The following NRXN2 variants were observed in gnomAD, a reference collection of about 807,000 sequenced individuals.
NRXN2 encodes neurexin-2-beta.
NRXN2 carries 29 observed loss-of-function variants against 128.8 expected under a neutral mutation model. The observed-to-expected ratio is 0.23, with a 90% CI of 0.17 to 0.31. The LOEUF is 0.31. Among genes scored for constraint, NRXN2 ranks in the 10% least tolerant of loss-of-function variants. NRXN2 has a pLI of 1.00. For missense variants in NRXN2, 1,881 were observed against 2,452.6 expected, an observed-to-expected ratio of 0.77 and a Z score of 4.92; for synonymous variants, 1,098 against 1,075.2, an observed-to-expected ratio of 1.02 and a Z score of -0.41.
chr11:64,632,054 C>T lies in NRXN2; in HGVS notation c.3586-1481G>A, dbSNP rs1235824504. Among the ~76,000 whole-genome samples, 1 of 152,216 alleles carries T rather than the reference C, an allele frequency of 6.6e-6. No individual in the cohort carries two copies. Among genetic ancestry groups the T allele is most frequent in the Non-Finnish European group, 1.5e-5 (1 of 68,026 alleles). On this transcript the variant is annotated intron_variant, in intron 18 of 22. Transcript: ENST00000265459. This position sits in a 1 kb window ranked among gnomAD's most constrained non-coding sequence, Gnocchi z 4.2. ...ATGTGGAACATTCAGCTGCCACCTC[C>T]TTCCTGCATCTAGCAGAGCCGAGAG...
intron 7 of NRXN2, among the ~76,000 whole-genome samples, chr11:64,669,763 G>A (rs541735177): frequency 5.2e-4 from 79 of 152,336 alleles, no homozygotes; most frequent in Middle Eastern, 6.8e-3. Context: ...ATGAGACCAC[G>A]AGCCCCTACT....
At chr11:64,638,687 C>A (rs2045200466) in intron 17 of NRXN2, among the ~76,000 whole-genome samples, 1 of 152,180 alleles carries the variant, frequency 6.6e-6, no homozygotes, top group Non-Finnish European at 1.5e-5. Flanking sequence ...TGGTGTAGAC[C>A]AATTGTTTTT....
chr11:64,696,544 C>CAA (rs2054568481), intron 3 of NRXN2, among the ~76,000 whole-genome samples: 1 of 150,250 alleles, frequency 6.7e-6, no homozygotes. Context: ...CACACACACA[C>CAA]ACACACACAC....
At chr11:64,715,991 G>C (rs1173542034) in intron 1 of NRXN2, among the ~76,000 whole-genome samples, 2 of 152,156 alleles carry the variant, frequency 1.3e-5, no homozygotes, top group Non-Finnish European at 2.9e-5. Flanking sequence ...CATGGGGGGA[G>C]GGAAAGGTCT....
chr11:64,687,128 C>T (rs912717517), intron 5 of NRXN2, among the ~76,000 whole-genome samples: 7 of 152,190 alleles, frequency 4.6e-5, no homozygotes, highest in South Asian at 2.1e-4. Context: ...CAACACTGGC[C>T]GTGAGGGTCT....
At chr11:64,681,776 G>C (rs1040122627) in intron 6 of NRXN2, among the ~76,000 whole-genome samples, 10 of 150,568 alleles carry the variant, frequency 6.6e-5, no homozygotes, top group Non-Finnish European at 1.3e-4. Flanking sequence ...GGTATCTGTA[G>C]GAGAACTGTG....
chr11:64,674,021 C>A (rs193254885), intron 7 of NRXN2, among the ~76,000 whole-genome samples: 1 of 142,698 alleles, frequency 7.0e-6, no homozygotes, highest in East Asian at 2.1e-4. Context: ...CTAGGCAACA[C>A]AGCAAGACTC....
chr11:64,623,130 C>A lies in NRXN2; in HGVS notation c.3848-52G>T. The A allele has an allele frequency of 1.9e-6, 3 of 1,549,104 alleles. No individual in the cohort carries two copies. The highest frequency in any genetic ancestry group is 1.9e-5 in the Admixed American group (1 of 51,744). On this transcript the variant is annotated intron_variant, in intron 20 of 22. Coordinates refer to ENST00000265459, the MANE Select transcript of NRXN2 (RefSeq NM_015080.4). The surrounding 1 kb of genome is among the most constrained non-coding windows in gnomAD (Gnocchi z 4.9). ...AGAAGGGGCAGGCAGTGAGGGGAGACCAGGAAGGGAAGGAAGAAAAGAAGG... is the reference window on the plus strand; with the variant it reads ...AGAAGGGGCAGGCAGTGAGGGGAGAACAGGAAGGGAAGGAAGAAAAGAAGG...
intron 2 of NRXN2, among the ~76,000 whole-genome samples, chr11:64,704,245 T>A (rs1008801825): frequency 6.6e-6 from 1 of 152,130 alleles, no homozygotes; most frequent in Non-Finnish European, 1.5e-5. Flanking sequence ...AGATGGTATG[T>A]CTTGCCTAAC....
intron 2 of NRXN2, among the ~76,000 whole-genome samples, chr11:64,701,769 G>T (rs2055402313): frequency 6.6e-6 from 1 of 152,206 alleles, no homozygotes; most frequent in South Asian, 2.1e-4. Context: ...CCGTCCGGGG[G>T]GGAAGTGGGG....
At chr11:64,620,968 G>T (rs1308903256) in intron 21 of NRXN2, among the ~76,000 whole-genome samples, 1 of 151,898 alleles carries the variant, frequency 6.6e-6, no homozygotes, top group African/African-American at 2.4e-5. Flanking sequence ...GAATCCCCAA[G>T]ATGAGTGAGT....
intron 18 of NRXN2, among the ~76,000 whole-genome samples, chr11:64,634,836 T>G (rs1041345407): frequency 6.6e-6 from 1 of 151,922 alleles, no homozygotes; most frequent in Non-Finnish European, 1.5e-5. Flanking sequence ...CAGGTAGGTA[T>G]GAAGGAGGGG....
chr11:64,685,518 C>A lies in NRXN2; in HGVS notation c.1152+128G>T, dbSNP rs886761630. On this transcript the variant is annotated intron_variant, in intron 6 of 22. Coordinates refer to ENST00000265459, the MANE Select transcript of NRXN2 (RefSeq NM_015080.4). ...GACCCTCACAGCCCCAACTCCTGTTCTTCTCCAGAACCACACCTCACTGCC... is the reference window on the plus strand; with the variant it reads ...GACCCTCACAGCCCCAACTCCTGTTATTCTCCAGAACCACACCTCACTGCC... The A allele has an allele frequency of 1.5e-5, 19 of 1,276,664 alleles. No homozygotes were observed. In the African/African-American group the frequency reaches 2.6e-4, roughly 18 times the overall value. The allele number at this position is 1,276,664 out of a possible 1,614,324, so 79.1% of individuals were successfully genotyped here.
chr11:64,700,559 A>C (rs2055195496), intron 2 of NRXN2, among the ~76,000 whole-genome samples: 1 of 152,128 alleles, frequency 6.6e-6, no homozygotes, highest in Admixed American at 6.5e-5. Flanking sequence ...ACAGAGAAGA[A>C]AACACACCCA....
intron 17 of NRXN2, among the ~76,000 whole-genome samples, chr11:64,637,927 G>A (rs2045012994): frequency 6.6e-6 from 1 of 152,200 alleles, no homozygotes; most frequent in African/African-American, 2.4e-5. Context: ...AGGCAGGAGG[G>A]ATCAGAGGCG....
At position 64,660,363 on chromosome 11, in the gene NRXN2, A is replaced by T. The variant is rs1363679572; in HGVS notation, c.2358T>A (p.Asp786Glu). 6 of 1,613,838 alleles carry T rather than the reference A, an allele frequency of 3.7e-6. No homozygotes were observed. Among genetic ancestry groups the T allele is most frequent in the African/African-American group, 1.3e-5 (1 of 74,876 alleles). Reference sequence around the variant, plus strand: ...TGACAGTGAGCTTCATCTGCCCCCCATCCAGCTCCAGGCGTAGGGTGTCGG... The same window carrying T: ...TGACAGTGAGCTTCATCTGCCCCCCTTCCAGCTCCAGGCGTAGGGTGTCGG... ...ESADTLRLEL[D>E]GGQMKLTVNL... Residue 786 changes from aspartate (D) to glutamate (E), a missense_variant, in exon 11 of 23, where the codon GAT (aspartate) becomes GAA (glutamate). This residue lies in a region of NRXN2 where 997 missense variants were observed against 1,240.8 expected (regional missense o/e 0.80). Coordinates refer to ENST00000265459, the MANE Select transcript of NRXN2 (RefSeq NM_015080.4). The surrounding 1 kb of genome is among the most constrained non-coding windows in gnomAD (Gnocchi z 5.2).
At chr11:64,680,522 A>G (rs887606929) in intron 6 of NRXN2, among the ~76,000 whole-genome samples, 1 of 152,238 alleles carries the variant, frequency 6.6e-6, no homozygotes, top group African/African-American at 2.4e-5. Context: ...AGTGGTTTCA[A>G]AATCAGACTT....
At chr11:64,669,236 T>A (rs2050304910) in intron 7 of NRXN2, among the ~76,000 whole-genome samples, 1 of 152,176 alleles carries the variant, frequency 6.6e-6, no homozygotes, top group South Asian at 2.1e-4. Context: ...GGGGTTGATT[T>A]CCACCCCTGC....
At chr11:64,703,747 T>C (rs1331101754) in intron 2 of NRXN2, among the ~76,000 whole-genome samples, 2 of 152,156 alleles carry the variant, frequency 1.3e-5, no homozygotes, top group Non-Finnish European at 2.9e-5. Flanking sequence ...AAGTCCCACC[T>C]CCTCCTTGAA....
Sources: gnomAD v4.1 joint callset for allele counts (sites outside exome capture counted in the v4.1 genomes callset) on GRCh38, gnomAD v4.1.1 for gene constraint, gnomAD v4.1.1 regional missense constraint, Gnocchi (gnomAD v3.1) non-coding constraint, MANE v1.5 for transcripts, NCBI Gene and HGNC (gene_info 2026-07-23, HGNC 2026-07-21) for gene names.